WHAMM: variants seen among roughly 807,000 people sequenced by gnomAD.
The protein encoded by WHAMM is WASP homolog-associated protein with actin, membranes and microtubules.
In WHAMM, 67 loss-of-function variants were observed where a neutral mutation model predicts 76.5. The observed-to-expected ratio is 0.88, with a 90% CI of 0.72 to 1.07. The LOEUF is 1.07. Ranked by LOEUF, WHAMM falls within the 50% of genes least tolerant of loss-of-function variation. WHAMM has a pLI of 0.00. For missense variants in WHAMM, 1,021 were observed against 1,051.1 expected, an observed-to-expected ratio of 0.97 and a Z score of 0.40; for synonymous variants, 419 against 422.1, an observed-to-expected ratio of 0.99 and a Z score of 0.09.
In WHAMM at chr15:82,823,081, ATCAT is replaced by A. The variant is rs2050862756; in HGVS notation, c.1271-17_1271-14del. On this transcript the variant is annotated splice_polypyrimidine_tract_variant and intron_variant, in intron 5 of 9. Coordinates refer to ENST00000286760, the MANE Select transcript of WHAMM (RefSeq NM_001080435.3). The stretch of plus-strand genomic sequence containing the variant: ...AAAATAATAAAATATGTTTTAAACA[ATCAT>A]TAATACATTTTTAGAAAAACAAGAT... The A allele has an allele frequency of 7.7e-7, 1 of 1,291,372 alleles. No homozygotes were observed. The highest frequency in any genetic ancestry group is 3.8e-5 in the Admixed American group (1 of 26,008). The allele number at this position is 1,291,372 out of a possible 1,614,324, so 80.0% of individuals were successfully genotyped here. A position where few individuals can be genotyped will look rare whatever the true frequency, so the allele number is the denominator to read the frequency against.
At chr15:82,832,987 C>T (rs1375061161) in intron 9 of WHAMM, among the ~76,000 whole-genome samples, 2 of 152,138 alleles carry the variant, frequency 1.3e-5, no homozygotes, top group African/African-American at 4.8e-5. Flanking sequence ...CTGTCAGTTG[C>T]TATGGATTTG....
chr15:82,810,561 T>C, intron 1 of WHAMM: 3 of 985,376 alleles, frequency 3.0e-6, no homozygotes, highest in Non-Finnish European at 3.6e-6. Context: ...TAGAGCCTAG[T>C]GTACTTGCAG....
chr15:82,832,071 A>C (rs556590262), intron 9 of WHAMM, among the ~76,000 whole-genome samples: 3 of 152,326 alleles, frequency 2.0e-5, no homozygotes, highest in Admixed American at 1.3e-4. Flanking sequence ...CCTGTGAATG[A>C]AAAGTAAAGA....
Position 82,833,298 on chromosome 15 carries a change from C to T in WHAMM, c.2192C>T (p.Ala731Val), listed in dbSNP as rs748855464. The change falls in exon 10 of 10, where the codon GCG becomes GTG. Residue 731 changes from alanine (A) to valine (V), a missense_variant. Ala to Val is a moderately conservative substitution (Grantham distance 64). Coordinates refer to ENST00000286760, the MANE Select transcript of WHAMM (RefSeq NM_001080435.3). The stretch of plus-strand genomic sequence containing the variant: ...CCTCTCCGGAAGGTGGAAGTGCCGG[C>T]GGTGCGCCCTCCCCACGCCTCAATC... ...RAPLRKVEVPAVRPPHASINE... is the reference protein window; with the variant it reads ...RAPLRKVEVPVVRPPHASINE... 59 of 1,613,788 alleles carry T rather than the reference C, an allele frequency of 3.7e-5. No individual in the cohort carries two copies. The highest frequency in any genetic ancestry group is 4.5e-5 in the Non-Finnish European group (53 of 1,179,840).
In WHAMM at chr15:82,833,235, T is replaced by A. The variant is rs369317992; in HGVS notation, c.2129T>A (p.Met710Lys). 44 of 1,613,348 alleles carry A rather than the reference T, an allele frequency of 2.7e-5. No individual in the cohort carries two copies. Among genetic ancestry groups the A allele is most frequent in the Non-Finnish European group, 3.6e-5 (42 of 1,179,624 alleles). ...SLESFSCPGS[M>K]DEVLASLRHG... ...TCTGCTTATTCAATTTCAGGATCTA[T>A]GGATGAAGTGTTGGCCTCCTTAAGG... is the stretch of plus-strand genomic sequence containing the variant. Residue 710 changes from methionine to lysine, a missense_variant, in exon 10 of 10, where the codon ATG becomes AAG. Met to Lys is a moderately conservative substitution (Grantham distance 95). This residue lies in a region of WHAMM where 509 missense variants were observed against 492.3 expected (regional missense o/e 1.03). Transcript: ENST00000286760.
At chr15:82,821,893 A>C (rs2151565595) in intron 5 of WHAMM, among the ~76,000 whole-genome samples, 1 of 152,314 alleles carries the variant, frequency 6.6e-6, no homozygotes, top group East Asian at 1.9e-4. Flanking sequence ...CTCCAAGTTT[A>C]ATAAATTTCT....
In WHAMM at chr15:82,830,892, AC is replaced by A. The variant is rs2151573812; in HGVS notation, c.1937del (p.Pro646HisfsTer29). 3.2e-6 allele frequency: 5 copies of A among 1,556,374 alleles called. No homozygotes were observed. The highest frequency in any genetic ancestry group is 4.4e-6 in the Non-Finnish European group (5 of 1,147,890). ...CACTGCCACCACCTCCTCCTCCTCC[AC>A]CACCACCACCGCCGCCACCGCCGCC... ...LSLPPPPPPP[P>X]PPPPPPPPPP... On this transcript the variant is annotated frameshift_variant, in exon 9 of 10. Transcript: ENST00000286760. LOFTEE classifies it high-confidence loss of function.
At chr15:82,825,282 C>G (rs1001539794) in intron 6 of WHAMM, among the ~76,000 whole-genome samples, 8 of 148,184 alleles carry the variant, frequency 5.4e-5, no homozygotes, top group African/African-American at 1.9e-4. Flanking sequence ...AACCCATGAG[C>G]CCCAGGAAGA....
chr15:82,830,196 CT>C (rs35705469), intron 8 of WHAMM, among the ~76,000 whole-genome samples: 503 of 136,908 alleles, frequency 3.7e-3, no homozygotes, highest in Non-Finnish European at 4.7e-3. Flanking sequence ...CTTTTTATGG[CT>C]TTTTTTTTTT....
intron 1 of WHAMM, among the ~76,000 whole-genome samples, chr15:82,811,685 C>G (rs2050631369): frequency 1.3e-5 from 2 of 152,066 alleles, no homozygotes; most frequent in South Asian, 4.1e-4. Flanking sequence ...GCAATTGATT[C>G]TAGAATTAGA....
intron 5 of WHAMM, among the ~76,000 whole-genome samples, chr15:82,822,164 AAATC>A (rs1297666234): frequency 1.3e-5 from 2 of 152,214 alleles, no homozygotes; most frequent in East Asian, 1.9e-4. Flanking sequence ...GCTTTAAAAA[AAATC>A]AATATGTAAT....
At position 82,832,719 on chromosome 15, in the gene WHAMM, C is replaced by T. The variant is rs796858782; in HGVS notation, c.2123-510C>T. ...AAGCCTTTTCATGTGTAGAAACCTA[C>T]TCACTTCATTGTCATAGAATGAGTC... On this transcript the variant is annotated intron_variant, in intron 9 of 9. Transcript: ENST00000286760. Among the ~76,000 whole-genome samples, 8 of 152,352 alleles carry T rather than the reference C, an allele frequency of 5.3e-5. 1 individual carries two copies. The highest frequency in any genetic ancestry group is 1.9e-4 in the African/African-American group (8 of 41,584).
chr15:82,812,445 G>T (rs1231292235), intron 1 of WHAMM, among the ~76,000 whole-genome samples: 1 of 151,934 alleles, frequency 6.6e-6, no homozygotes, highest in Non-Finnish European at 1.5e-5. Context: ...AGCCAGGATG[G>T]TCTCGATCTC....
At position 82,834,795 on chromosome 15, in the gene WHAMM, C is replaced by T. The variant is rs972342106; in HGVS notation, c.*1259C>T. The stretch of plus-strand genomic sequence containing the variant: ...TTAGCTGCTGTAAAAGCAAAGTCTT[C>T]CGTGTCCGGGTGGGCTGAAAGTTTT... On this transcript the variant is annotated 3_prime_UTR_variant, in exon 10 of 10. Transcript: ENST00000286760. 1.3e-5 allele frequency: 2 copies of T among 152,214 alleles called. No individual in the cohort carries two copies. Among genetic ancestry groups the T allele is most frequent in the Non-Finnish European group, 2.9e-5 (2 of 68,036 alleles). 9.4% of individuals were successfully genotyped at this position (152,214 alleles called of 1,614,324 possible).
chr15:82,830,350 T>G (rs765841538), intron 8 of WHAMM, among the ~76,000 whole-genome samples: 21 of 152,328 alleles, frequency 1.4e-4, no homozygotes, highest in Middle Eastern at 6.8e-3. Context: ...TTCCTCTATA[T>G]GTATGCTTTC....
At chr15:82,829,213 G>A (rs2050987224) in intron 8 of WHAMM, among the ~76,000 whole-genome samples, 1 of 152,232 alleles carries the variant, frequency 6.6e-6, no homozygotes, top group African/African-American at 2.4e-5. Flanking sequence ...GCTCACGCCT[G>A]TAATCCCAGC....
chr15:82,811,252 T>C (rs1566990371), intron 1 of WHAMM, among the ~76,000 whole-genome samples: 1 of 152,230 alleles, frequency 6.6e-6, no homozygotes, highest in Non-Finnish European at 1.5e-5. Flanking sequence ...CGTGTTGATT[T>C]CACTTTAGAA....
At chr15:82,826,282 C>G in intron 6 of WHAMM, 128 bp from the exon 7 acceptor site, 1 of 900,040 alleles carries the variant, frequency 1.1e-6, no homozygotes. Context: ...ACCATTGGGC[C>G]GCTCCAGAAC....
At position 82,809,654 on chromosome 15, in the gene WHAMM, T is replaced by C. The variant is rs1466458793; in HGVS notation, c.-73T>C. 2 of 1,238,660 alleles carry C rather than the reference T, an allele frequency of 1.6e-6. No individual in the cohort carries two copies. The highest frequency in any genetic ancestry group is 3.1e-5 in the East Asian group (1 of 32,442). 76.7% of individuals were successfully genotyped at this position (1,238,660 alleles called of 1,614,324 possible). ...TAGCGAAAAATGATTTGGCTCGGAC[T>C]GTCCCGTGACAGGCGGTGCGAGGAG... On this transcript the variant is annotated 5_prime_UTR_variant, in exon 1 of 10. Transcript: ENST00000286760.
Sources: gnomAD v4.1 joint callset for allele counts (sites outside exome capture counted in the v4.1 genomes callset) on GRCh38, gnomAD v4.1.1 for gene constraint, gnomAD v4.1.1 regional missense constraint, MANE v1.5 for transcripts, NCBI Gene and HGNC (gene_info 2026-07-23, HGNC 2026-07-21) for gene names.